FAM118B: variants seen among roughly 807,000 people sequenced by gnomAD.
FAM118B encodes SIR2 antiphage like 1.
Under a neutral mutation model 38.5 loss-of-function variants are expected in FAM118B, and 24 were observed. The observed-to-expected ratio is 0.62, with a 90% CI of 0.45 to 0.88. FAM118B has a LOEUF of 0.88. Among genes scored for constraint, FAM118B ranks in the 40% least tolerant of loss-of-function variants. The probability of loss-of-function intolerance (pLI) is 0.00; values close to 1 mark genes in which losing one functional copy is unlikely to be tolerated. For missense variants in FAM118B, 334 were observed against 420.0 expected (o/e 0.80, Z 1.79); for synonymous variants, 138 against 156.3 (o/e 0.88, Z 0.87).
At chr11:126,229,017 A>G (rs533403147) in intron 1 of FAM118B, among the ~76,000 whole-genome samples, 2 of 152,294 alleles carry the variant, frequency 1.3e-5, no homozygotes, top group Admixed American at 1.3e-4. Context: ...AACCCACACT[A>G]TTTTTGTAGT....
rs1950398286 is a variant in FAM118B at position 126,244,613 on chromosome 11, G to C, written c.339+3569G>C. ...GAGGTCGGGAGGTAGAGACCAGCCT[G>C]GCCAACATGGTGAAACCCCGTCTCT... On this transcript the variant is annotated intron_variant, in intron 4 of 8. Transcript: ENST00000533050. This position sits in a 1 kb window ranked among gnomAD's most constrained non-coding sequence, Gnocchi z 4.5. Among the ~76,000 whole-genome samples, 1 of 152,158 alleles carries C rather than the reference G, an allele frequency of 6.6e-6. No individual in the cohort carries two copies. The highest frequency in any genetic ancestry group is 1.5e-5 in the Non-Finnish European group (1 of 68,024).
rs1342643363 is a variant in FAM118B, at chr11:126,262,522, A to C, written c.*389A>C. 1.8e-5 allele frequency: 4 copies of C among 227,220 alleles called. No individual in the cohort carries two copies. The highest frequency in any genetic ancestry group is 3.4e-5 in the Non-Finnish European group (4 of 117,166). 14.1% of individuals were successfully genotyped at this position (227,220 alleles called of 1,614,324 possible). A position where few individuals can be genotyped will look rare whatever the true frequency, so the allele number is the denominator to read the frequency against. On this transcript the variant is annotated 3_prime_UTR_variant, in exon 9 of 9. Coordinates refer to ENST00000533050, the MANE Select transcript of FAM118B (RefSeq NM_024556.4). ...GGCTCTTGTTGCAGTTTTGTACTCT[A>C]TACTTGGTTTTTCAATTAAGCTTAA...
intron 5 of FAM118B, among the ~76,000 whole-genome samples, chr11:126,251,593 C>T (rs527265747): frequency 3.3e-5 from 5 of 152,320 alleles, no homozygotes; most frequent in Admixed American, 2.6e-4. Context: ...ATGGTCAGCT[C>T]CTTCTTCATT....
chr11:126,247,055 G>A (rs761596374), intron 4 of FAM118B, among the ~76,000 whole-genome samples: 1 of 152,222 alleles, frequency 6.6e-6, no homozygotes, highest in Non-Finnish European at 1.5e-5. Context: ...CTACACAGGA[G>A]GCTGAGGCAA....
intron 1 of FAM118B, among the ~76,000 whole-genome samples, chr11:126,212,764 A>G (rs570670940): frequency 5.8e-4 from 88 of 152,230 alleles, no homozygotes; most frequent in Non-Finnish European, 7.5e-4. Context: ...AGGGAGCCGT[A>G]CCAACAAGAA....
chr11:126,222,800 C>G (rs1305834224), intron 1 of FAM118B, among the ~76,000 whole-genome samples: 1 of 152,098 alleles, frequency 6.6e-6, no homozygotes, highest in African/African-American at 2.4e-5. Flanking sequence ...TCTTCTGCAC[C>G]GTATACACAC....
intron 1 of FAM118B, among the ~76,000 whole-genome samples, chr11:126,224,778 G>T (rs1381785423): frequency 6.6e-6 from 1 of 152,218 alleles, no homozygotes; most frequent in Non-Finnish European, 1.5e-5. Flanking sequence ...GGCCAGCGTA[G>T]CTGGAGGGAG....
At chr11:126,224,474 TCAAAAAA>T (rs1565326551) in intron 1 of FAM118B, among the ~76,000 whole-genome samples, 1 of 25,014 alleles carries the variant, frequency 4.0e-5, no homozygotes. Context: ...AGACCCTGTC[TCAAAAAA>T]AAAAAAAAAA....
In FAM118B at chr11:126,211,836, T is replaced by C; in HGVS notation, c.-77+6T>C. 3.4e-6 allele frequency: 2 copies of C among 590,728 alleles called. No homozygotes were observed. The highest frequency in any genetic ancestry group is 4.2e-5 in the South Asian group (2 of 47,168). 36.6% of individuals were successfully genotyped at this position (590,728 alleles called of 1,614,324 possible). On this transcript the variant is annotated splice_donor_region_variant and intron_variant, in intron 1 of 8. Coordinates refer to ENST00000533050, the MANE Select transcript of FAM118B (RefSeq NM_024556.4). ...TGGCGTTTGGAGGAGACTCGGTGAG[T>C]GTGTAGGGAAGCCGGGCTGGGGCTG...
intron 3 of FAM118B, among the ~76,000 whole-genome samples, chr11:126,236,605 G>T (rs1185641303): frequency 6.6e-6 from 1 of 152,084 alleles, no homozygotes; most frequent in Non-Finnish European, 1.5e-5. Context: ...TTTAAAGCTG[G>T]CAACTAGTAC....
intron 1 of FAM118B, among the ~76,000 whole-genome samples, chr11:126,221,505 T>C (rs1950061818): frequency 6.6e-6 from 1 of 152,164 alleles, no homozygotes; most frequent in African/African-American, 2.4e-5. Context: ...AACGGTTTTT[T>C]GGTTTTTAAG....
At chr11:126,230,633 A>T (rs755100842) in intron 2 of FAM118B, among the ~76,000 whole-genome samples, 6 of 152,080 alleles carry the variant, frequency 3.9e-5, no homozygotes, top group Non-Finnish European at 7.4e-5. Flanking sequence ...AAACATTAGA[A>T]TTTTTCTCTC....
At chr11:126,239,406 T>A (rs1281636920) in intron 3 of FAM118B, among the ~76,000 whole-genome samples, 1 of 152,246 alleles carries the variant, frequency 6.6e-6, no homozygotes, top group Non-Finnish European at 1.5e-5. Context: ...ATCTTGTGAA[T>A]CCTAGAAATT....
At chr11:126,213,847 A>G (rs923678826) in intron 1 of FAM118B, among the ~76,000 whole-genome samples, 1 of 152,242 alleles carries the variant, frequency 6.6e-6, no homozygotes, top group Non-Finnish European at 1.5e-5. Flanking sequence ...GTGACTTAAG[A>G]ATAAAAATAT....
rs544985944 is a variant in FAM118B, at chr11:126,250,089, G to A, written c.340-417G>A. ...ATGAGATAGATAATATTTTATCCCCGGGATTTTTTTTTTTTTTTTTGAGAT... is the reference window on the plus strand; with the variant it reads ...ATGAGATAGATAATATTTTATCCCCAGGATTTTTTTTTTTTTTTTTGAGAT... On this transcript the variant is annotated intron_variant, in intron 4 of 8. Transcript: ENST00000533050. This position sits in a 1 kb window ranked among gnomAD's most constrained non-coding sequence, Gnocchi z 5.1. 9.1e-5 allele frequency among the ~76,000 whole-genome samples: 12 copies of A among 131,642 alleles called. 1 individual carries two copies. Among genetic ancestry groups the A allele is most frequent in the East Asian group, 2.7e-4 (1 of 3,640 alleles). 86.4% of individuals were successfully genotyped at this position (131,642 alleles called of 152,430 possible).
chr11:126,224,343 TGCACCTGTA>T (rs1438550339), intron 1 of FAM118B, among the ~76,000 whole-genome samples: 1 of 151,888 alleles, frequency 6.6e-6, no homozygotes, highest in African/African-American at 2.4e-5. Context: ...TATGGTGGCA[TGCACCTGTA>T]GCACCTGTAG....
rs1396967924 is a variant in FAM118B, at chr11:126,244,093, A to C, written c.339+3049A>C. ...TAATAGCAAACAATAGAAGGTAACT[A>C]CCTCAACACGATAAAGACCGTATAT... On this transcript the variant is annotated intron_variant, in intron 4 of 8. Transcript: ENST00000533050. This position sits in a 1 kb window ranked among gnomAD's most constrained non-coding sequence, Gnocchi z 4.5. Among the ~76,000 whole-genome samples, 3 of 152,164 alleles carry C rather than the reference A, an allele frequency of 2.0e-5. No homozygotes were observed. Among genetic ancestry groups the C allele is most frequent in the African/African-American group, 7.2e-5 (3 of 41,442 alleles).
At chr11:126,218,765 T>C (rs1006108933) in intron 1 of FAM118B, among the ~76,000 whole-genome samples, 10 of 152,220 alleles carry the variant, frequency 6.6e-5, no homozygotes, top group Admixed American at 2.0e-4. Flanking sequence ...TTTGTGTGTA[T>C]GTTTGTACAA....
chr11:126,222,408 C>T (rs557139129), intron 1 of FAM118B, among the ~76,000 whole-genome samples: 3 of 152,158 alleles, frequency 2.0e-5, no homozygotes, highest in South Asian at 2.1e-4. Flanking sequence ...ATTCTACAAG[C>T]ATATACAGAA....
Sources: allele counts gnomAD v4.1 joint callset (sites outside exome capture counted in the v4.1 genomes callset), GRCh38; gene constraint gnomAD v4.1.1; non-coding constraint Gnocchi (gnomAD v3.1); transcripts MANE v1.5; gene names NCBI Gene and HGNC (gene_info 2026-07-23, HGNC 2026-07-21).